The following DET1 variants were observed in gnomAD, a reference collection of about 807,000 sequenced individuals.
The protein encoded by DET1 is DET1 partner of COP1 E3 ubiquitin ligase, also known as DET1 homolog.
A neutral mutation model predicts 43.7 loss-of-function variants in DET1; 22 were observed. That is an observed-to-expected ratio of 0.50 (90% CI 0.36 to 0.72). The LOEUF is 0.72. Among genes scored for constraint, DET1 ranks in the 30% least tolerant of loss-of-function variants. The pLI, the probability that DET1 is intolerant of heterozygous loss-of-function variation, is 0.00. For synonymous variants in DET1, 315 were observed against 266.2 expected (o/e 1.18, Z -1.79); for missense variants, 713 against 713.3 (o/e 1.00, Z 0.00).
rs2056233203 is a variant in DET1, at chr15:88,512,978, G to A, written c.1626C>T (p.Asn542=). 1 of 1,613,934 alleles carries A rather than the reference G, an allele frequency of 6.2e-7. No homozygotes were observed. The highest frequency in any genetic ancestry group is 8.5e-7 in the Non-Finnish European group (1 of 1,179,900). The part of the protein sequence containing the change: ...VQRTNAEYVV[N]FHMRHCCT ...ACGTGCAGCAGTGTCGCATATGGAA[G>A]TTGACAACATACTCAGCATTAGTCC... Residue 542 remains asparagine, a synonymous_variant, in exon 5 of 5, where the codon AAC becomes AAT. Coordinates refer to ENST00000268148, the MANE Select transcript of DET1 (RefSeq NM_001144074.3).
intron 1 of DET1, among the ~76,000 whole-genome samples, chr15:88,537,733 C>T (rs1421277831): frequency 6.6e-6 from 1 of 152,182 alleles, no homozygotes; most frequent in Non-Finnish European, 1.5e-5. Context: ...GAACACTGGA[C>T]CTGTCTAACG....
intron 2 of DET1, among the ~76,000 whole-genome samples, chr15:88,529,781 G>A (rs2056764208): frequency 6.6e-6 from 1 of 152,218 alleles, no homozygotes; most frequent in Admixed American, 6.5e-5. Context: ...TAGAAAGGTA[G>A]TTGTCTAACT....
At chr15:88,522,512 G>GTTTGTTTTTTTTTTTTTTTT (rs1687176742) in intron 3 of DET1, among the ~76,000 whole-genome samples, 1 of 80,258 alleles carries the variant, frequency 1.2e-5, no homozygotes, top group East Asian at 4.0e-4. Flanking sequence ...AATGTTCCTG[G>GTTTGTTTTTTTTTTTTTTTT]TTTTTTTTTT....
chr15:88,502,932 A>G (rs1203877379), intron 8 of DET1: 1 of 152,254 alleles, frequency 6.6e-6, no homozygotes, highest in Non-Finnish European at 1.5e-5. Context: ...CAATAAATGT[A>G]TAACATATGA....
chr15:88,527,499 T>C lies in DET1; in HGVS notation c.1271+100A>G, dbSNP rs2056696000. 6.2e-6 allele frequency: 7 copies of C among 1,120,256 alleles called. No individual in the cohort carries two copies. The South Asian group carries it at 1.1e-4, about 18-fold the overall frequency. The allele number at this position is 1,120,256 out of a possible 1,614,324, so 69.4% of individuals were successfully genotyped here. On this transcript the variant is annotated intron_variant, in intron 3 of 4. Transcript: ENST00000268148. ...ATAATAAGCAGAATAACCAAAGCTA[T>C]GTGGACAGACAGAATAAGAGGTTTC... is the stretch of plus-strand genomic sequence containing the variant.
At position 88,530,741 on chromosome 15, in the gene DET1, T is replaced by A. The variant is rs770718457; in HGVS notation, c.965A>T (p.Tyr322Phe). Residue 322 changes from tyrosine to phenylalanine, a missense_variant, in exon 2 of 5, where the codon TAT becomes TTT. Transcript: ENST00000268148. ...SAMAKRRFFQ[Y>F]FDQLRQLRMW... ...TCGCAGCTGCCGCAGTTGGTCAAAATACTGGAAGAAGCGCCTCTTGGCCAT... is the reference window on the plus strand; with the variant it reads ...TCGCAGCTGCCGCAGTTGGTCAAAAAACTGGAAGAAGCGCCTCTTGGCCAT... 1.9e-6 allele frequency: 3 copies of A among 1,614,014 alleles called. No individual in the cohort carries two copies. In the South Asian group the frequency reaches 3.3e-5, roughly 18 times the overall value.
intron 3 of DET1, among the ~76,000 whole-genome samples, chr15:88,525,331 T>G (rs1273360478): frequency 1.3e-5 from 2 of 152,176 alleles, no homozygotes; most frequent in Admixed American, 1.3e-4. Flanking sequence ...GTACCCCCAA[T>G]TTTTCAAAAT....
intron 3 of DET1, among the ~76,000 whole-genome samples, chr15:88,517,963 GTC>G (rs757529441): frequency 1.3e-5 from 2 of 152,020 alleles, no homozygotes; most frequent in East Asian, 1.9e-4. Flanking sequence ...TTGAGACAGG[GTC>G]TCACTGTGTT....
chr15:88,534,628 C>G (rs189590462), intron 1 of DET1, among the ~76,000 whole-genome samples: 1 of 151,698 alleles, frequency 6.6e-6, no homozygotes, highest in Non-Finnish European at 1.5e-5. Context: ...GGATCTGGTC[C>G]AAATCATACT....
At chr15:88,520,894 C>G (rs1385035903) in intron 3 of DET1, among the ~76,000 whole-genome samples, 1 of 152,206 alleles carries the variant, frequency 6.6e-6, no homozygotes, top group Non-Finnish European at 1.5e-5. Context: ...CTTACTGGAT[C>G]ACTGCAATAG....
At chr15:88,533,639 G>T (rs2056873784) in intron 1 of DET1, among the ~76,000 whole-genome samples, 1 of 152,042 alleles carries the variant, frequency 6.6e-6, no homozygotes, top group South Asian at 2.1e-4. Context: ...CTACATCACT[G>T]AAACTTGAGG....
At chr15:88,515,518 AACAG>A (rs994575840) in intron 4 of DET1, among the ~76,000 whole-genome samples, 4 of 141,016 alleles carry the variant, frequency 2.8e-5, no homozygotes, top group Non-Finnish European at 6.1e-5. Flanking sequence ...GAGCCTGGGC[AACAG>A]ACAGAGACTC....
At chr15:88,519,258 G>A (rs1470257305) in intron 3 of DET1, among the ~76,000 whole-genome samples, 1 of 151,942 alleles carries the variant, frequency 6.6e-6, no homozygotes, top group Non-Finnish European at 1.5e-5. Context: ...TCTCTTCGAT[G>A]TCTTCACACT....
chr15:88,511,413 G>A (rs2056199906), downstream of DET1: 1 of 985,438 alleles, frequency 1.0e-6, no homozygotes, highest in Non-Finnish European at 1.2e-6. Flanking sequence ...GTATGCTGCA[G>A]CTGTATTTGC....
Position 88,531,144 on chromosome 15 carries a change from G to C in DET1, c.562C>G (p.Leu188Val). ...ESVTPNPRSPLEDYSLHIIDL... is the reference protein window; with the variant it reads ...ESVTPNPRSPVEDYSLHIIDL... ...ATGATATGGAGGGAATAGTCTTCTA[G>C]AGGGGACCGTGGGTTGGGGGTCACT... Residue 188 changes from leucine to valine, a missense_variant, in exon 2 of 5, where the codon CTA (leucine) becomes GTA (valine). Physicochemically the swap from Leu to Val is conservative, Grantham distance 32. Transcript: ENST00000268148. This position sits in a 1 kb window ranked among gnomAD's most constrained non-coding sequence, Gnocchi z 6.2. The C allele has an allele frequency of 6.2e-7, 1 of 1,613,974 alleles. No homozygotes were observed.
Position 88,527,637 on chromosome 15 carries a change from T to C in DET1, c.1233A>G (p.Ser411=). 1.2e-6 allele frequency: 2 copies of C among 1,611,644 alleles called. No individual in the cohort carries two copies. The highest frequency in any genetic ancestry group is 2.2e-5 in the East Asian group (1 of 44,824). The change falls in exon 3 of 5, where the codon TCA becomes TCG. Residue 411 remains serine (S), a synonymous_variant. Coordinates refer to ENST00000268148, the MANE Select transcript of DET1 (RefSeq NM_001144074.3). ...GCCTTGCAAAATTGTTGCTAGAAGC[T>C]GAGCAGGGAAACTGAACTTCACTGT... is the stretch of plus-strand genomic sequence containing the variant. ...TLHSEVQFPC[S]ASSNNFARQI... is the part of the protein sequence containing the mutation.
rs376592225 is a variant in DET1 at position 88,513,058 on chromosome 15, G to A, written c.1546C>T (p.Arg516Cys). 17 of 1,613,940 alleles carry A rather than the reference G, an allele frequency of 1.1e-5. No individual in the cohort carries two copies. Among genetic ancestry groups the A allele is most frequent in the Non-Finnish European group, 1.4e-5 (16 of 1,179,900 alleles). Reference protein sequence around the residue: ...LGRPINHTVRRLVAFTFHPFE... With the variant: ...LGRPINHTVRCLVAFTFHPFE... The stretch of plus-strand genomic sequence containing the variant: ...GGGTGAAAGGTGAAGGCAACAAGGC[G>A]TCGCACTGTGTGGTTGATGGGGCGG... The change falls in exon 5 of 5, where the codon CGC becomes TGC. Residue 516 changes from arginine to cysteine, a missense_variant. Transcript: ENST00000268148.
intron 3 of DET1, among the ~76,000 whole-genome samples, chr15:88,524,458 A>T (rs2056603378): frequency 6.6e-6 from 1 of 152,292 alleles, no homozygotes; most frequent in Non-Finnish European, 1.5e-5. Flanking sequence ...ATCTGGGAGG[A>T]GTACCCAACA....
At chr15:88,537,080 C>T (rs1251230010) in intron 1 of DET1, among the ~76,000 whole-genome samples, 1 of 152,170 alleles carries the variant, frequency 6.6e-6, no homozygotes, top group African/African-American at 2.4e-5. Context: ...TAAAAATGTA[C>T]ATACCTCCAT....
Sources: gnomAD v4.1 joint callset for allele counts (sites outside exome capture counted in the v4.1 genomes callset) on GRCh38, gnomAD v4.1.1 for gene constraint, Gnocchi (gnomAD v3.1) non-coding constraint, MANE v1.5 for transcripts, NCBI Gene and HGNC (gene_info 2026-07-23, HGNC 2026-07-21) for gene names.